Variants in MBD3 observed in about 807,000 individuals in gnomAD.
MBD3 encodes the protein methyl-CpG-binding domain protein 3.
In MBD3, 13 loss-of-function variants were observed where a neutral mutation model predicts 31.2. The ratio of observed to expected loss-of-function variants is 0.42; its 90% confidence interval spans 0.27 to 0.66. MBD3 has a LOEUF of 0.66. MBD3 is among the 30% of genes least tolerant of loss of function. MBD3 has a pLI of 0.26. For synonymous variants in MBD3, 223 were observed against 187.4 expected, an observed-to-expected ratio of 1.19 and a Z score of -1.55; for missense variants, 440 against 426.5, an observed-to-expected ratio of 1.03 and a Z score of -0.28.
Position 1,585,367 on chromosome 19 carries a change from C to G in MBD3, c.111-153G>C. On this transcript the variant is annotated intron_variant, in intron 1 of 6. Transcript: ENST00000434436. This position sits in a 1 kb window ranked among gnomAD's most constrained non-coding sequence, Gnocchi z 4.1. ...GGCCCTGACCCCAAACCCAGGCAGG[C>G]CCTGGCCCCAGCCCCAGACCCCAAC... 1 of 809,872 alleles carries G rather than the reference C, an allele frequency of 1.2e-6. No homozygotes were observed. The highest frequency in any genetic ancestry group is 2.7e-5 in the East Asian group (1 of 36,738). 50.2% of individuals were successfully genotyped at this position (809,872 alleles called of 1,614,324 possible).
intron 5 of MBD3, among the ~76,000 whole-genome samples, chr19:1,580,875 T>C (rs969040340): frequency 2.0e-5 from 3 of 152,172 alleles, no homozygotes; most frequent in African/African-American, 4.8e-5. Context: ...TTCAAGAACA[T>C]TCCTCCAAGG....
intron 2 of MBD3, 56 bp downstream of exon 2, chr19:1,584,999 G>A (rs572512588): frequency 5.0e-6 from 8 of 1,597,970 alleles, no homozygotes; most frequent in South Asian, 2.2e-5. Context: ...CGTCATGGCC[G>A]CGTCCCCGCC....
At position 1,576,482 on chromosome 19, in the gene MBD3, C is replaced by T. The variant is rs1274099344; in HGVS notation, c.*1682G>A. On this transcript the variant is annotated 3_prime_UTR_variant, in exon 7 of 7. Transcript: ENST00000434436. ...GCCAGCGGCACCTCAGGGGGCACGG[C>T]CCTTGCCCACAGATGCCCAGGCCGG... 6.6e-6 allele frequency: 1 copy of T among 152,314 alleles called. No individual in the cohort carries two copies. The allele number at this position is 152,314 out of a possible 1,614,324, so 9.4% of individuals were successfully genotyped here. A position where few individuals can be genotyped will look rare whatever the true frequency, so the allele number is the denominator to read the frequency against.
chr19:1,586,947 G>A (rs186057505), intron 1 of MBD3, among the ~76,000 whole-genome samples: 1 of 151,412 alleles, frequency 6.6e-6, no homozygotes, highest in Admixed American at 6.6e-5. Flanking sequence ...GATTACAGGT[G>A]TGAGTCACCG....
At chr19:1,588,493 GA>G (rs2060689170) in intron 1 of MBD3, among the ~76,000 whole-genome samples, 1 of 152,026 alleles carries the variant, frequency 6.6e-6, no homozygotes, top group South Asian at 2.1e-4. Flanking sequence ...AAGATGAAGG[GA>G]AACAAGGCCG....
intron 1 of MBD3, among the ~76,000 whole-genome samples, chr19:1,591,083 A>AG (rs752598731): frequency 6.6e-6 from 1 of 152,174 alleles, no homozygotes; most frequent in Non-Finnish European, 1.5e-5. Context: ...GCCACCTCTT[A>AG]GGGGGTTCCT....
At chr19:1,592,423 G>GCACGCAC in intron 1 of MBD3, 99 bp downstream of exon 1, 1 of 337,016 alleles carries the variant, frequency 3.0e-6, no homozygotes, top group Non-Finnish European at 4.7e-6. Flanking sequence ...ACGCACGCGC[G>GCACGCAC]GGGCCCAGGC....
At position 1,578,328 on chromosome 19, in the gene MBD3, G is replaced by A. The variant is rs745980265; in HGVS notation, c.*5+7C>T. 13 of 1,601,750 alleles carry A rather than the reference G, an allele frequency of 8.1e-6. No individual in the cohort carries two copies. The East Asian group carries it at 1.8e-4, about 22-fold the overall frequency. ...GACTCCAGGGAGCCCCCGTGGCCCC[G>A]CAGCACCTGCCCTAGACGTGCTCCA... On this transcript the variant is annotated splice_region_variant and intron_variant, in intron 6 of 6. Coordinates refer to ENST00000434436, the MANE Select transcript of MBD3 (RefSeq NM_001281453.2). This position sits in a 1 kb window ranked among gnomAD's most constrained non-coding sequence, Gnocchi z 6.1.
chr19:1,587,655 T>A (rs978176733), intron 1 of MBD3, among the ~76,000 whole-genome samples: 27 of 152,208 alleles, frequency 1.8e-4, no homozygotes, highest in Non-Finnish European at 3.8e-4. Flanking sequence ...TCTCAAGAGA[T>A]CCTCCTGCCT....
chr19:1,579,296 C>T (rs769629094), intron 5 of MBD3, among the ~76,000 whole-genome samples: 70 of 151,748 alleles, frequency 4.6e-4, no homozygotes, highest in Non-Finnish European at 7.9e-4. Flanking sequence ...GCCCACTATG[C>T]ACCAGCGTGT....
chr19:1,591,698 GAA>G (rs549891651), intron 1 of MBD3, among the ~76,000 whole-genome samples: 12 of 139,082 alleles, frequency 8.6e-5, no homozygotes, highest in Non-Finnish European at 7.9e-5. Context: ...CCCGAGCCAG[GAA>G]AAAAAAAAAA....
In MBD3 at chr19:1,586,730, G is replaced by C. The variant is rs996902161; in HGVS notation, c.111-1516C>G. The stretch of plus-strand genomic sequence containing the variant: ...CGCCCAGGCTGGAGTGAAGTGGCTC[G>C]ATCTTGGCTCTCTGCAACCTCCACC... On this transcript the variant is annotated intron_variant, in intron 1 of 6. Coordinates refer to ENST00000434436, the MANE Select transcript of MBD3 (RefSeq NM_001281453.2). Among the ~76,000 whole-genome samples, 3 of 150,778 alleles carry C rather than the reference G, an allele frequency of 2.0e-5. No individual in the cohort carries two copies. The South Asian group carries it at 6.3e-4, about 32-fold the overall frequency.
Position 1,585,336 on chromosome 19 carries a change from C to A in MBD3, c.111-122G>T. On this transcript the variant is annotated intron_variant, in intron 1 of 6. Transcript: ENST00000434436. The surrounding 1 kb of genome is among the most constrained non-coding windows in gnomAD (Gnocchi z 4.1). ...AGGTCGCGACCCCAGCCCCAGACCCCAACACGGCCCTGACCCCAAACCCAG... is the reference window on the plus strand; with the variant it reads ...AGGTCGCGACCCCAGCCCCAGACCCAAACACGGCCCTGACCCCAAACCCAG... The A allele has an allele frequency of 8.9e-7, 1 of 1,128,494 alleles. No individual in the cohort carries two copies. The highest frequency in any genetic ancestry group is 1.3e-6 in the Non-Finnish European group (1 of 799,456). The allele number at this position is 1,128,494 out of a possible 1,614,324, so 69.9% of individuals were successfully genotyped here.
rs1162166937 is a variant in MBD3, at chr19:1,576,362, C to T, written c.*1802G>A. On this transcript the variant is annotated 3_prime_UTR_variant, in exon 7 of 7. Coordinates refer to ENST00000434436, the MANE Select transcript of MBD3 (RefSeq NM_001281453.2). ...CCTCCCTGCCAGGCAGCCCCTCCTG[C>T]TTCCCTTCCTTTGGAAGGAGCGGTG... 1 of 152,294 alleles carries T rather than the reference C, an allele frequency of 6.6e-6. No individual in the cohort carries two copies. Among genetic ancestry groups the T allele is most frequent in the African/African-American group, 2.4e-5 (1 of 41,440 alleles). The allele number at this position is 152,294 out of a possible 1,614,324, so 9.4% of individuals were successfully genotyped here. A position where few individuals can be genotyped will look rare whatever the true frequency, so the allele number is the denominator to read the frequency against.
chr19:1,583,737 G>T (rs915699796), intron 3 of MBD3, among the ~76,000 whole-genome samples: 5 of 152,076 alleles, frequency 3.3e-5, no homozygotes, highest in African/African-American at 1.2e-4. Flanking sequence ...CACAAGGAAC[G>T]TCACAAGCAT....
intron 2 of MBD3, 164 bp from the exon 3 acceptor site, chr19:1,584,841 C>T (rs2060670471): frequency 1.0e-6 from 1 of 980,082 alleles, no homozygotes; most frequent in Non-Finnish European, 1.4e-6. Flanking sequence ...CAGGGTCGGT[C>T]CGGCCGGCTC....
At chr19:1,592,497 C>T (rs764946302) in intron 1 of MBD3, 25 bp downstream of exon 1, 27 of 1,325,866 alleles carry the variant, frequency 2.0e-5, no homozygotes, top group Non-Finnish European at 2.6e-5. Flanking sequence ...CGTTGAGGCC[C>T]TGCGCGGCCG....
intron 1 of MBD3, among the ~76,000 whole-genome samples, chr19:1,588,441 C>G (rs1469227024): frequency 1.3e-5 from 2 of 152,110 alleles, no homozygotes; most frequent in African/African-American, 4.8e-5. Context: ...CCCAACAGCT[C>G]TTTGCCTCCG....
intron 1 of MBD3, among the ~76,000 whole-genome samples, chr19:1,591,768 G>A (rs1303277301): frequency 1.3e-5 from 2 of 151,864 alleles, no homozygotes; most frequent in Non-Finnish European, 2.9e-5. Flanking sequence ...AGGCGACTAA[G>A]TCTTTGTTCC....
Sources: gnomAD v4.1 joint callset for allele counts (sites outside exome capture counted in the v4.1 genomes callset) on GRCh38, gnomAD v4.1.1 for gene constraint, Gnocchi (gnomAD v3.1) non-coding constraint, MANE v1.5 for transcripts, NCBI Gene and HGNC (gene_info 2026-07-23, HGNC 2026-07-21) for gene names.